The following LRP1B variants were observed in gnomAD, a reference collection of about 807,000 sequenced individuals.
LRP1B encodes the protein LDL receptor related protein 1B.
A neutral mutation model predicts 556.6 loss-of-function variants in LRP1B; 217 were observed. The ratio of observed to expected loss-of-function variants is 0.39; its 90% CI spans 0.35 to 0.44. The LOEUF (loss-of-function observed/expected upper bound fraction) is 0.44. LRP1B is among the 20% of genes least tolerant of loss of function. The pLI is 1.00. For synonymous variants in LRP1B, 2,047 were observed against 1,865.8 expected, an observed-to-expected ratio of 1.10 and a Z score of -2.50; for missense variants, 5,053 against 5,620.8, an observed-to-expected ratio of 0.90 and a Z score of 3.23.
intron 1 of LRP1B, among the ~76,000 whole-genome samples, chr2:141,864,015 T>C (rs1698330266): frequency 1.3e-5 from 2 of 152,172 alleles, no homozygotes. Context: ...TTTCAGACTT[T>C]CAAAATGAAG....
chr2:141,763,599 C>T (rs893221145), intron 2 of LRP1B, among the ~76,000 whole-genome samples: 1 of 151,984 alleles, frequency 6.6e-6, no homozygotes, highest in Admixed American at 6.6e-5. Flanking sequence ...TATGAAACTA[C>T]GACATGATGG....
chr2:141,255,385 G>T (rs1475655504), intron 3 of LRP1B, among the ~76,000 whole-genome samples: 1 of 151,930 alleles, frequency 6.6e-6, no homozygotes, highest in African/African-American at 2.4e-5. Flanking sequence ...CCCCAGAAAG[G>T]CAAATAAGGG....
chr2:142,116,219 T>TAA (rs1707270054), intron 1 of LRP1B, among the ~76,000 whole-genome samples: 1 of 117,972 alleles, frequency 8.5e-6, no homozygotes, highest in Non-Finnish European at 1.7e-5. Flanking sequence ...AAAAAAAGAA[T>TAA]GAGAAAGATA....
intron 7 of LRP1B, among the ~76,000 whole-genome samples, chr2:141,108,714 A>G (rs1424001264): frequency 6.6e-6 from 1 of 152,182 alleles, no homozygotes; most frequent in East Asian, 1.9e-4. Flanking sequence ...GTCTAATACC[A>G]TTGAATGAAT....
chr2:140,394,044 T>C (rs1025179218), intron 66 of LRP1B, among the ~76,000 whole-genome samples: 2 of 152,068 alleles, frequency 1.3e-5, no homozygotes, highest in African/African-American at 4.8e-5. Context: ...TGATTACAAG[T>C]TCACCCAAAG....
intron 32 of LRP1B, among the ~76,000 whole-genome samples, chr2:140,790,163 T>C (rs6727952): frequency 0.29 from 43,746 of 152,016 alleles, 6,806 homozygotes; most frequent in South Asian, 0.43. Context: ...AGGCGGGGAT[T>C]AGAGTGGCCT....
intron 5 of LRP1B, 76 bp from the exon 6 acceptor site, chr2:141,229,516 A>G (rs1683380202): frequency 3.5e-6 from 4 of 1,131,808 alleles, no homozygotes; most frequent in Non-Finnish European, 5.1e-6. Context: ...TAGTTATTGA[A>G]AGCTATTTTC....
chr2:141,511,094 G>T (rs1455306269), intron 2 of LRP1B, among the ~76,000 whole-genome samples: 1 of 152,100 alleles, frequency 6.6e-6, no homozygotes, highest in African/African-American at 2.4e-5. Context: ...AAGGTTCAAG[G>T]TTTCCTCTAC....
At chr2:140,853,852 A>G (rs1010669405) in intron 27 of LRP1B, among the ~76,000 whole-genome samples, 3 of 152,072 alleles carry the variant, frequency 2.0e-5, no homozygotes, top group Non-Finnish European at 4.4e-5. Context: ...GTTCTTTGTT[A>G]TCTTTTGATT....
chr2:141,540,112 C>T (rs893395289), intron 2 of LRP1B, among the ~76,000 whole-genome samples: 1 of 152,024 alleles, frequency 6.6e-6, no homozygotes, highest in African/African-American at 2.4e-5. Context: ...TTACCATCAA[C>T]AATTTATCAC....
intron 32 of LRP1B, among the ~76,000 whole-genome samples, chr2:140,784,268 T>G (rs1191184710): frequency 6.6e-6 from 1 of 151,980 alleles, no homozygotes; most frequent in Non-Finnish European, 1.5e-5. Context: ...TTGGGGAGGC[T>G]GACATCCAGG....
At chr2:141,440,647 C>A (rs1335533232) in intron 3 of LRP1B, among the ~76,000 whole-genome samples, 1 of 152,186 alleles carries the variant, frequency 6.6e-6, no homozygotes, top group East Asian at 1.9e-4. Flanking sequence ...TTCTGATGGG[C>A]CTGTTTCTAT....
chr2:141,584,697 T>A (rs1455763108), intron 2 of LRP1B, among the ~76,000 whole-genome samples: 1 of 152,162 alleles, frequency 6.6e-6, no homozygotes, highest in Non-Finnish European at 1.5e-5. Context: ...TCAAGTGAGA[T>A]GATTTAGGTA....
rs141424207 is a variant in LRP1B, at chr2:141,188,507, A to G, written c.927T>C (p.Val309=). The G allele has an allele frequency of 5.7e-4, 922 of 1,612,840 alleles. 8 individuals carry two copies. The African/African-American group carries it at 0.011, about 19-fold the overall frequency. The change falls in exon 7 of 91, where the codon GTT becomes GTC. Residue 309 remains valine (V), a synonymous_variant. Coordinates refer to ENST00000389484, the MANE Select transcript of LRP1B (RefSeq NM_018557.3). ...FVDHVGDRIF[V]CNSNGSVCVT... ...CACATACAGAACCGTTGGAATTACA[A>G]ACAAAGATCCGGTCACCGACATGGT... is the stretch of plus-strand genomic sequence containing the variant.
intron 29 of LRP1B, among the ~76,000 whole-genome samples, chr2:140,848,072 A>G (rs1224127207): frequency 1.3e-5 from 2 of 152,138 alleles, no homozygotes; most frequent in African/African-American, 4.8e-5. Flanking sequence ...TTTGGATAAT[A>G]TTAAATATTT....
intron 83 of LRP1B, among the ~76,000 whole-genome samples, chr2:140,306,318 C>T (rs1292424944): frequency 3.3e-5 from 5 of 152,090 alleles, no homozygotes; most frequent in Admixed American, 2.6e-4. Flanking sequence ...TTAATTATTG[C>T]CTCAATTTCA....
chr2:140,849,682 TG>T (rs1163039565), intron 29 of LRP1B, among the ~76,000 whole-genome samples: 4 of 152,152 alleles, frequency 2.6e-5, no homozygotes, highest in African/African-American at 9.6e-5. Context: ...TGGGATTACA[TG>T]TGTGCACCAC....
intron 87 of LRP1B, among the ~76,000 whole-genome samples, chr2:140,244,311 C>T (rs1434888037): frequency 5.3e-5 from 8 of 151,130 alleles, no homozygotes; most frequent in Non-Finnish European, 8.9e-5. Context: ...AAAAGAGATA[C>T]AATGACCCCC....
At chr2:141,920,805 A>G (rs1035345029) in intron 1 of LRP1B, among the ~76,000 whole-genome samples, 4 of 152,050 alleles carry the variant, frequency 2.6e-5, no homozygotes, top group African/African-American at 4.8e-5. Flanking sequence ...TGCAACTGGA[A>G]TAATATGGAT....
Sources: gnomAD v4.1 joint callset for allele counts (sites outside exome capture counted in the v4.1 genomes callset) on GRCh38, gnomAD v4.1.1 for gene constraint, MANE v1.5 for transcripts, NCBI Gene and HGNC (gene_info 2026-07-23, HGNC 2026-07-21) for gene names.